Variants in SPTB observed in about 807,000 individuals in gnomAD.
SPTB encodes spectrin beta chain, erythrocytic.
SPTB carries 45 observed loss-of-function variants against 256.2 expected under a neutral mutation model. That is an observed-to-expected ratio of 0.18 (90% CI 0.14 to 0.23). The LOEUF (loss-of-function observed/expected upper bound fraction) is 0.23, where lower values mean the gene tolerates loss of function less well. SPTB is among the 10% of genes least tolerant of loss of function. The pLI is 1.00. For missense variants in SPTB, 2,715 were observed against 3,040.4 expected (o/e 0.89, Z 2.52); for synonymous variants, 1,231 against 1,243.1 (o/e 0.99, Z 0.21).
chr14:64,815,470 G>T (rs1021522462), intron 2 of SPTB, among the ~76,000 whole-genome samples: 2 of 152,162 alleles, frequency 1.3e-5, no homozygotes, highest in Non-Finnish European at 2.9e-5. Flanking sequence ...GCTATAAGCT[G>T]CCCACTTCAC....
rs1001904611 is a variant in SPTB at position 64,758,384 on chromosome 14, G to A, written c.6346-4591C>T. Among the ~76,000 whole-genome samples, 2 of 152,254 alleles carry A rather than the reference G, an allele frequency of 1.3e-5. No individual in the cohort carries two copies. Among genetic ancestry groups the A allele is most frequent in the Admixed American group, 6.5e-5 (1 of 15,286 alleles). ...CAGGAAGGGAGAAGCCATGTGAACA[G>A]GTAAGCAGTGCAGGAGGGCCTGAGG... is the stretch of plus-strand genomic sequence containing the variant. On this transcript the variant is annotated intron_variant, in intron 32 of 35. Transcript: ENST00000644917. The surrounding 1 kb of genome is among the most constrained non-coding windows in gnomAD (Gnocchi z 4.6).
At chr14:64,767,981 A>C in intron 29 of SPTB, 122 bp from the exon 30 acceptor site, 1 of 1,076,370 alleles carries the variant, frequency 9.3e-7, no homozygotes, top group Non-Finnish European at 1.4e-6. Context: ...CCTAAACCAC[A>C]TGGATACGCT....
At chr14:64,814,683 T>C (rs2083156669) in intron 2 of SPTB, among the ~76,000 whole-genome samples, 1 of 152,058 alleles carries the variant, frequency 6.6e-6, no homozygotes, top group South Asian at 2.1e-4. Context: ...ACCCAGCTAA[T>C]TTTTTGTATT....
intron 1 of SPTB, among the ~76,000 whole-genome samples, chr14:64,848,232 C>G (rs1356762813): frequency 6.6e-6 from 1 of 152,222 alleles, no homozygotes; most frequent in African/African-American, 2.4e-5. Context: ...GAGGACACTC[C>G]TACTCTTTTT....
rs2082985142 is a variant in SPTB, at chr14:64,806,433, G to C, written c.149-1343C>G. 6.6e-6 allele frequency among the ~76,000 whole-genome samples: 1 copy of C among 152,224 alleles called. No individual in the cohort carries two copies. ...CCTGGAGTGGCCTAGCCAGGAGCGG[G>C]GTCTGCCCGGTCGGAGCAGGCTGTG... is the stretch of plus-strand genomic sequence containing the variant. On this transcript the variant is annotated intron_variant, in intron 2 of 35. Coordinates refer to ENST00000644917, the MANE Select transcript of SPTB (RefSeq NM_001355436.2). This position sits in a 1 kb window ranked among gnomAD's most constrained non-coding sequence, Gnocchi z 4.1.
chr14:64,786,740 G>A lies in SPTB; in HGVS notation c.3225C>T (p.Ala1075=). The A allele has an allele frequency of 6.2e-7, 1 of 1,614,148 alleles. No individual in the cohort carries two copies. Among genetic ancestry groups the A allele is most frequent in the Non-Finnish European group, 8.5e-7 (1 of 1,180,028 alleles). ...CAGCCTTCTGGGTGATGGAGAGCCAGGCCTGGAAGTCATCCAGATCCTGCA... is the reference window on the plus strand; with the variant it reads ...CAGCCTTCTGGGTGATGGAGAGCCAAGCCTGGAAGTCATCCAGATCCTGCA... ...AFLQDLDDFQ[A]WLSITQKAVA... The change falls in exon 16 of 36, where the codon GCC becomes GCT. Residue 1075 remains alanine (A), a synonymous_variant. Transcript: ENST00000644917. This position sits in a 1 kb window ranked among gnomAD's most constrained non-coding sequence, Gnocchi z 5.6.
At position 64,749,169 on chromosome 14, in the gene SPTB, C is replaced by T; in HGVS notation, c.*137G>A. 2 of 1,052,132 alleles carry T rather than the reference C, an allele frequency of 1.9e-6. No homozygotes were observed. The highest frequency in any genetic ancestry group is 1.6e-5 in the African/African-American group (1 of 62,108). 65.2% of individuals were successfully genotyped at this position (1,052,132 alleles called of 1,614,324 possible). On this transcript the variant is annotated 3_prime_UTR_variant, in exon 36 of 36. Coordinates refer to ENST00000644917, the MANE Select transcript of SPTB (RefSeq NM_001355436.2). The surrounding 1 kb of genome is among the most constrained non-coding windows in gnomAD (Gnocchi z 4.7). ...GCGGGCGAAGGCAGCTTTTGCAGTG[C>T]AGCGTGGGGCCCGGGGGCCCGGCCC... is the stretch of plus-strand genomic sequence containing the variant.
chr14:64,872,164 A>G (rs1394827051), intron 1 of SPTB, among the ~76,000 whole-genome samples: 1 of 152,230 alleles, frequency 6.6e-6, no homozygotes, highest in African/African-American at 2.4e-5. Context: ...AAAATAGCCC[A>G]TGGTACATTT....
At chr14:64,794,431 T>C in intron 13 of SPTB, 36 bp downstream of exon 13, 2 of 1,613,736 alleles carry the variant, frequency 1.2e-6, no homozygotes, top group South Asian at 2.2e-5. Flanking sequence ...GCTCTGGCAT[T>C]GGAAGCCTCA....
rs2082341152 is a variant in SPTB, at chr14:64,775,347, T to C, written c.4620A>G (p.Arg1540=). Residue 1540 remains arginine (R), a synonymous_variant, in exon 23 of 36, where the codon AGA becomes AGG. Transcript: ENST00000644917. This position sits in a 1 kb window ranked among gnomAD's most constrained non-coding sequence, Gnocchi z 5.0. ...CCGCCGCCTCCACCAGCTGCTGCCC[T>C]CTCTGCAGCACATCCTCAACCCGCG... The part of the protein sequence containing the change: ...HTPRVEDVLQ[R]GQQLVEAAEI... 6.2e-7 allele frequency: 1 copy of C among 1,613,436 alleles called. No homozygotes were observed. The highest frequency in any genetic ancestry group is 8.5e-7 in the Non-Finnish European group (1 of 1,179,728).
chr14:64,837,354 A>G lies in SPTB; in HGVS notation c.-51-14209T>C, dbSNP rs150338706. On this transcript the variant is annotated intron_variant, in intron 1 of 35. Coordinates refer to ENST00000644917, the MANE Select transcript of SPTB (RefSeq NM_001355436.2). Reference sequence around the variant, plus strand: ...ATTCATGAATTCAACTATTTACTCAACAACAGCACCCTACAGCCTATTACA... The same window carrying G: ...ATTCATGAATTCAACTATTTACTCAGCAACAGCACCCTACAGCCTATTACA... Among the ~76,000 whole-genome samples, 41 of 152,330 alleles carry G rather than the reference A, an allele frequency of 2.7e-4. 1 individual carries two copies. The East Asian group carries it at 7.9e-3, about 29-fold the overall frequency.
intron 1 of SPTB, among the ~76,000 whole-genome samples, chr14:64,871,625 C>T (rs142363796): frequency 6.6e-6 from 1 of 152,330 alleles, no homozygotes; most frequent in Non-Finnish European, 1.5e-5. Flanking sequence ...CGTGGTGCTG[C>T]TAGCTTAAAG....
chr14:64,815,359 C>T (rs1339972066), intron 2 of SPTB, among the ~76,000 whole-genome samples: 1 of 152,176 alleles, frequency 6.6e-6, no homozygotes, highest in East Asian at 1.9e-4. Flanking sequence ...AGGGCTGCAG[C>T]CCAAGCAGCG....
intron 15 of SPTB, among the ~76,000 whole-genome samples, chr14:64,788,127 AGAG>A (rs1302409925): frequency 2.0e-5 from 3 of 152,354 alleles, no homozygotes; most frequent in African/African-American, 7.2e-5. Flanking sequence ...TAACAGGCAG[AGAG>A]GAGGATTAAG....
At position 64,785,631 on chromosome 14, in the gene SPTB, G is replaced by A. The variant is rs1238637874; in HGVS notation, c.3765-4C>T. On this transcript the variant is annotated splice_region_variant and splice_polypyrimidine_tract_variant and intron_variant, in intron 17 of 35. Transcript: ENST00000644917. The surrounding 1 kb of genome is among the most constrained non-coding windows in gnomAD (Gnocchi z 4.4). ...CTTCTCGTTGTTCTTCCTGTGCCTGGAAAGGAAGCCAAAAGCACAGTCACA... is the reference window on the plus strand; with the variant it reads ...CTTCTCGTTGTTCTTCCTGTGCCTGAAAAGGAAGCCAAAAGCACAGTCACA... 6.2e-7 allele frequency: 1 copy of A among 1,613,934 alleles called. No homozygotes were observed. The highest frequency in any genetic ancestry group is 8.5e-7 in the Non-Finnish European group (1 of 1,179,974).
intron 18 of SPTB, 63 bp from the exon 19 acceptor site, chr14:64,784,456 CT>C: frequency 1.9e-6 from 3 of 1,599,166 alleles, no homozygotes; most frequent in South Asian, 1.1e-5. Flanking sequence ...GCAGAACCTG[CT>C]GCCCATCCCT....
chr14:64,849,772 G>T (rs1001809836), intron 1 of SPTB, among the ~76,000 whole-genome samples: 2 of 152,206 alleles, frequency 1.3e-5, no homozygotes, highest in Admixed American at 6.5e-5. Context: ...TCAGGAGGCT[G>T]TAAGAGGGGC....
At chr14:64,814,380 G>A (rs2083149866) in intron 2 of SPTB, among the ~76,000 whole-genome samples, 1 of 152,062 alleles carries the variant, frequency 6.6e-6, no homozygotes, top group Non-Finnish European at 1.5e-5. Flanking sequence ...TACATCTATA[G>A]ACATTAAAGT....
chr14:64,806,416 G>C lies in SPTB; in HGVS notation c.149-1326C>G, dbSNP rs1046691525. Among the ~76,000 whole-genome samples, 1 of 152,216 alleles carries C rather than the reference G, an allele frequency of 6.6e-6. No homozygotes were observed. Among genetic ancestry groups the C allele is most frequent in the Non-Finnish European group, 1.5e-5 (1 of 68,032 alleles). The stretch of plus-strand genomic sequence containing the variant: ...ATCACAGCCAGGACATACCTGGAGT[G>C]GCCTAGCCAGGAGCGGGGTCTGCCC... On this transcript the variant is annotated intron_variant, in intron 2 of 35. Coordinates refer to ENST00000644917, the MANE Select transcript of SPTB (RefSeq NM_001355436.2). The surrounding 1 kb of genome is among the most constrained non-coding windows in gnomAD (Gnocchi z 4.1).
Sources: allele counts gnomAD v4.1 joint callset (sites outside exome capture counted in the v4.1 genomes callset), GRCh38; gene constraint gnomAD v4.1.1; non-coding constraint Gnocchi (gnomAD v3.1); transcripts MANE v1.5; gene names NCBI Gene and HGNC (gene_info 2026-07-23, HGNC 2026-07-21).